TTC7A: variants seen among roughly 807,000 people sequenced by gnomAD.
The protein encoded by TTC7A is tetratricopeptide repeat protein 7A.
A neutral mutation model predicts 103.7 loss-of-function variants in TTC7A; 110 were observed. The ratio of observed to expected loss-of-function variants is 1.06; its 90% CI spans 0.91 to 1.24. TTC7A has a LOEUF of 1.24. TTC7A is among the 50% of genes most tolerant of loss of function. TTC7A has a pLI of 0.00. For synonymous variants in TTC7A, 521 were observed against 467.9 expected (o/e 1.11, Z -1.47); for missense variants, 1,340 against 1,116.3 (o/e 1.20, Z -2.86).
At chr2:46,978,740 C>T (rs933869641) in intron 4 of TTC7A, 52 bp from the exon 5 acceptor site, 6 of 1,479,878 alleles carry the variant, frequency 4.1e-6, no homozygotes, top group Non-Finnish European at 4.7e-6. Context: ...GCTGAGTGAC[C>T]CTCTGCCTCA....
At chr2:47,003,241 G>A (rs1200453919) in intron 8 of TTC7A, among the ~76,000 whole-genome samples, 5 of 152,180 alleles carry the variant, frequency 3.3e-5, no homozygotes, top group South Asian at 4.1e-4. Context: ...CAGGAGTCTA[G>A]CCATGAGCAA....
chr2:46,965,668 T>A (rs1037595533), intron 3 of TTC7A, among the ~76,000 whole-genome samples: 4 of 151,778 alleles, frequency 2.6e-5, no homozygotes, highest in Non-Finnish European at 4.4e-5. Context: ...TTCAAATGAT[T>A]CTCCTGTCTC....
intron 13 of TTC7A, 91 bp from the exon 14 acceptor site, chr2:47,024,196 C>T: frequency 1.7e-6 from 2 of 1,172,718 alleles, no homozygotes; most frequent in South Asian, 3.1e-5. Context: ...CCTCATAGCG[C>T]CCAGCACAGG....
At chr2:46,994,314 G>A (rs1378610932) in intron 6 of TTC7A, 43 bp from the exon 7 acceptor site, 2 of 1,589,732 alleles carry the variant, frequency 1.3e-6, no homozygotes, top group South Asian at 2.3e-5. Flanking sequence ...CTGGGGTAGA[G>A]CTGACAACTG....
At chr2:46,923,698 C>T (rs1309906967) in intron 2 of TTC7A, among the ~76,000 whole-genome samples, 1 of 152,070 alleles carries the variant, frequency 6.6e-6, no homozygotes, top group Admixed American at 6.5e-5. Context: ...TTGAGACCAG[C>T]CTGCACAACA....
At chr2:46,980,995 G>T (rs1364873227) in intron 5 of TTC7A, among the ~76,000 whole-genome samples, 1 of 152,196 alleles carries the variant, frequency 6.6e-6, no homozygotes, top group Non-Finnish European at 1.5e-5. Flanking sequence ...GTGCACCACT[G>T]CCACGTGTCC....
intron 13 of TTC7A, 58 bp downstream of exon 13, chr2:47,023,523 A>G: frequency 6.4e-7 from 1 of 1,560,148 alleles, no homozygotes; most frequent in Non-Finnish European, 8.8e-7. Flanking sequence ...CAGATTCACA[A>G]GCTTTACGTC....
intron 15 of TTC7A, among the ~76,000 whole-genome samples, chr2:47,029,699 G>A (rs1680309490): frequency 6.6e-6 from 1 of 152,206 alleles, no homozygotes; most frequent in Admixed American, 6.5e-5. Context: ...CCTGCCCTGG[G>A]CTCTGCATCA....
chr2:46,933,659 A>T (rs1480928510), intron 2 of TTC7A, among the ~76,000 whole-genome samples: 1 of 152,244 alleles, frequency 6.6e-6, no homozygotes, highest in East Asian at 1.9e-4. Context: ...TTGATTTCCG[A>T]ATGTAGCGAT....
intron 3 of TTC7A, among the ~76,000 whole-genome samples, chr2:46,966,915 G>A (rs548401632): frequency 8.3e-4 from 108 of 130,820 alleles, no homozygotes; most frequent in Admixed American, 1.8e-3. Flanking sequence ...TTTTTTTTCC[G>A]TTAAAAAATT....
At chr2:47,030,401 C>T (rs370981928) in intron 15 of TTC7A, among the ~76,000 whole-genome samples, 13 of 152,328 alleles carry the variant, frequency 8.5e-5, no homozygotes, top group African/African-American at 3.1e-4. Flanking sequence ...GGGCTGACCA[C>T]AGGGGTGGGT....
At chr2:47,023,576 A>G (rs1162110324) in intron 13 of TTC7A, 111 bp downstream of exon 13, 6 of 1,163,440 alleles carry the variant, frequency 5.2e-6, no homozygotes, top group East Asian at 5.0e-5. Context: ...TTCTATCTCC[A>G]TTTTACAGAT....
intron 19 of TTC7A, among the ~76,000 whole-genome samples, chr2:47,064,552 G>A (rs1684036028): frequency 2.0e-5 from 3 of 152,204 alleles, no homozygotes; most frequent in African/African-American, 7.2e-5. Context: ...GGCTTGCCCA[G>A]GAAGGGACCC....
At chr2:46,947,928 C>T (rs1285048007) in intron 1 of TTC7A, among the ~76,000 whole-genome samples, 1 of 152,108 alleles carries the variant, frequency 6.6e-6, no homozygotes, top group Non-Finnish European at 1.5e-5. Flanking sequence ...ATGGAGAGAC[C>T]CGCAGGCCAT....
chr2:47,000,499 GC>G (rs1201828168), intron 8 of TTC7A, among the ~76,000 whole-genome samples: 1 of 152,254 alleles, frequency 6.6e-6, no homozygotes, highest in Non-Finnish European at 1.5e-5. Context: ...ACCTGACGCA[GC>G]AGGAGCTCGG....
At chr2:47,059,231 C>G (rs1683575750) in intron 18 of TTC7A, among the ~76,000 whole-genome samples, 1 of 151,780 alleles carries the variant, frequency 6.6e-6, no homozygotes, top group East Asian at 1.9e-4. Context: ...CCATCCTGGC[C>G]AGGCTGGTCT....
intron 19 of TTC7A, among the ~76,000 whole-genome samples, chr2:47,070,062 G>GT (rs1553416577): frequency 6.6e-6 from 1 of 152,164 alleles, no homozygotes; most frequent in Non-Finnish European, 1.5e-5. Context: ...CCCAGGGCAG[G>GT]CCCCCCTCAA....
At chr2:46,969,448 A>G (rs1192641196) in intron 3 of TTC7A, among the ~76,000 whole-genome samples, 1 of 151,688 alleles carries the variant, frequency 6.6e-6, no homozygotes, top group African/African-American at 2.4e-5. Context: ...CAGAGCTTGC[A>G]GTGAGCCGAG....
chr2:47,018,657 A>G (rs1678950367), intron 11 of TTC7A, among the ~76,000 whole-genome samples: 1 of 151,764 alleles, frequency 6.6e-6, no homozygotes, highest in African/African-American at 2.4e-5. Context: ...ATCATATATG[A>G]AATATACAGT....
Sources: allele counts gnomAD v4.1 joint callset (sites outside exome capture counted in the v4.1 genomes callset), GRCh38; gene constraint gnomAD v4.1.1; transcripts MANE v1.5; gene names NCBI Gene and HGNC (gene_info 2026-07-23, HGNC 2026-07-21).